CNTN3: variants seen among roughly 807,000 people sequenced by gnomAD.
CNTN3 encodes contactin-3.
Under a neutral mutation model 119.1 loss-of-function variants are expected in CNTN3, and 60 were observed. That is an observed-to-expected ratio of 0.50 (90% confidence interval 0.41 to 0.62). The LOEUF is 0.62. CNTN3 is among the 20% of genes least tolerant of loss of function. CNTN3 has a pLI of 0.00. For missense variants in CNTN3, 1,101 were observed against 1,242.4 expected (o/e 0.89, Z 1.71); for synonymous variants, 450 against 438.7 (o/e 1.03, Z -0.32).
intron 4 of CNTN3, among the ~76,000 whole-genome samples, chr3:74,474,458 A>C (rs75582594): frequency 0.032 from 4,907 of 152,220 alleles, 256 homozygotes; most frequent in African/African-American, 0.11. Context: ...AGGAGTAATA[A>C]AATGACTCAA....
At chr3:74,346,733 ACATCCATCCATCCATCCATCCATCCATC>A (rs61572054) in intron 11 of CNTN3, among the ~76,000 whole-genome samples, 4 of 144,400 alleles carry the variant, frequency 2.8e-5, no homozygotes, top group Admixed American at 7.1e-5. Flanking sequence ...ATCTCATTTG[ACATCCATCCATCCATCCATCCATCCATC>A]CATCCATCCA....
intron 12 of CNTN3, among the ~76,000 whole-genome samples, chr3:74,336,270 T>G (rs1222196965): frequency 1.3e-5 from 2 of 152,010 alleles, no homozygotes; most frequent in Admixed American, 1.3e-4. Flanking sequence ...AAAAATAGAA[T>G]GAGATCATCA....
At chr3:74,499,530 A>T in intron 3 of CNTN3, 129 bp downstream of exon 3, 1 of 764,286 alleles carries the variant, frequency 1.3e-6, no homozygotes, top group Non-Finnish European at 2.0e-6. Flanking sequence ...TGAATATATC[A>T]TACAACTATA....
chr3:74,487,933 C>A (rs961712682), intron 3 of CNTN3, among the ~76,000 whole-genome samples: 5 of 150,582 alleles, frequency 3.3e-5, no homozygotes, highest in Non-Finnish European at 7.4e-5. Flanking sequence ...ATTTTCAGAT[C>A]TTTTAAAATA....
At chr3:74,454,801 G>C (rs1253278122) in intron 4 of CNTN3, among the ~76,000 whole-genome samples, 1 of 151,930 alleles carries the variant, frequency 6.6e-6, no homozygotes. Context: ...GAAATTCTGG[G>C]TTGAAAATTC....
intron 4 of CNTN3, among the ~76,000 whole-genome samples, chr3:74,483,128 T>C (rs1345197813): frequency 1.3e-5 from 2 of 151,866 alleles, no homozygotes; most frequent in South Asian, 2.1e-4. Context: ...AAACAAAAAA[T>C]ATAATTTCAC....
chr3:74,345,428 T>C (rs997549383), intron 11 of CNTN3, among the ~76,000 whole-genome samples: 11 of 152,308 alleles, frequency 7.2e-5, no homozygotes, highest in Admixed American at 5.2e-4. Flanking sequence ...ATTCTGAGCA[T>C]AACCTTGAAA....
intron 1 of CNTN3, among the ~76,000 whole-genome samples, chr3:74,544,153 G>A (rs1703881225): frequency 6.6e-6 from 1 of 152,138 alleles, no homozygotes; most frequent in African/African-American, 2.4e-5. Flanking sequence ...AATACATTGA[G>A]GCAACTGACA....
intron 20 of CNTN3, among the ~76,000 whole-genome samples, chr3:74,269,935 T>C (rs1701737851): frequency 6.6e-6 from 1 of 152,154 alleles, no homozygotes; most frequent in Non-Finnish European, 1.5e-5. Context: ...TAGAGATCTA[T>C]TGCACAGAAA....
At chr3:74,483,734 A>C (rs1218394958) in intron 4 of CNTN3, among the ~76,000 whole-genome samples, 2 of 152,036 alleles carry the variant, frequency 1.3e-5, no homozygotes, top group Non-Finnish European at 2.9e-5. Flanking sequence ...AAGAATAATA[A>C]AGTCCTTAGT....
chr3:74,484,876 G>A (rs1702824037), intron 4 of CNTN3, among the ~76,000 whole-genome samples: 1 of 152,010 alleles, frequency 6.6e-6, no homozygotes, highest in Non-Finnish European at 1.5e-5. Flanking sequence ...GGAATATGAT[G>A]ACATTCCTTA....
intron 2 of CNTN3, among the ~76,000 whole-genome samples, chr3:74,513,644 A>G (rs895896942): frequency 2.3e-5 from 3 of 131,900 alleles, no homozygotes; most frequent in Non-Finnish European, 5.2e-5. Context: ...CGAGCAGTCC[A>G]AAAAAAAAAA....
At chr3:74,364,844 G>A (rs574422428) in intron 9 of CNTN3, among the ~76,000 whole-genome samples, 2 of 152,124 alleles carry the variant, frequency 1.3e-5, no homozygotes, top group Non-Finnish European at 2.9e-5. Flanking sequence ...TAACAAAGCA[G>A]AGGTAAAATA....
intron 4 of CNTN3, among the ~76,000 whole-genome samples, chr3:74,467,322 T>C (rs538386185): frequency 3.3e-5 from 5 of 152,262 alleles, no homozygotes; most frequent in Admixed American, 2.0e-4. Flanking sequence ...TCAAAGCTAT[T>C]TGATTTGAAG....
chr3:74,562,862 GAATTTCAGTGCAATTAAAACCAGTCAA>G (rs1309621837), intron 1 of CNTN3, among the ~76,000 whole-genome samples: 2 of 152,038 alleles, frequency 1.3e-5, no homozygotes, highest in Admixed American at 1.3e-4. Context: ...CGGATCACTT[GAATTTCAGTGCAATTAAAACCAGTCAA>G]AATGTAAACC....
At chr3:74,460,600 T>C (rs1318461744) in intron 4 of CNTN3, among the ~76,000 whole-genome samples, 2 of 151,596 alleles carry the variant, frequency 1.3e-5, no homozygotes, top group Non-Finnish European at 3.0e-5. Context: ...CATTATCATA[T>C]TAAAATACCA....
chr3:74,298,277 G>T, intron 17 of CNTN3, 86 bp from the exon 18 acceptor site: 1 of 787,702 alleles, frequency 1.3e-6, no homozygotes, highest in African/African-American at 1.7e-5. Context: ...GCATTTATTT[G>T]TAAAAGTCAT....
intron 5 of CNTN3, 38 bp from the exon 6 acceptor site, chr3:74,371,437 T>G: frequency 2.0e-6 from 3 of 1,469,414 alleles, no homozygotes; most frequent in Non-Finnish European, 1.9e-6. Flanking sequence ...AATTCCATCA[T>G]TAAGGACAGT....
intron 4 of CNTN3, among the ~76,000 whole-genome samples, chr3:74,456,872 G>A (rs1702279350): frequency 6.6e-6 from 1 of 151,758 alleles, no homozygotes; most frequent in Non-Finnish European, 1.5e-5. Context: ...TCAAATTACT[G>A]AGATTACACT....
Sources: gnomAD v4.1 joint callset for allele counts (sites outside exome capture counted in the v4.1 genomes callset) on GRCh38, gnomAD v4.1.1 for gene constraint, MANE v1.5 for transcripts, NCBI Gene and HGNC (gene_info 2026-07-23, HGNC 2026-07-21) for gene names.